RET: variants seen among roughly 807,000 people sequenced by gnomAD.
RET encodes the protein ret proto-oncogene.
RET carries 19 observed loss-of-function variants against 118.3 expected under a neutral mutation model. The ratio of observed to expected loss-of-function variants is 0.16; its 90% CI spans 0.11 to 0.24. RET has a LOEUF of 0.24. Among genes scored for constraint, RET ranks in the 10% least tolerant of loss-of-function variants. The probability of loss-of-function intolerance (pLI) is 1.00; values close to 1 mark genes in which losing one functional copy is unlikely to be tolerated. For synonymous variants in RET, 597 were observed against 644.1 expected, an observed-to-expected ratio of 0.93 and a Z score of 1.11; for missense variants, 1,219 against 1,502.1, an observed-to-expected ratio of 0.81 and a Z score of 3.12.
Position 43,100,565 on chromosome 10 carries a change from T to C in RET, c.180T>C (p.Pro60=). 6.2e-7 allele frequency: 1 copy of C among 1,613,870 alleles called. No individual in the cohort carries two copies. The highest frequency in any genetic ancestry group is 8.5e-7 in the Non-Finnish European group (1 of 1,180,012). ...LLYVHALRDA[P]EEVPSFRLGQ... ...ACGTCCATGCCCTGCGGGACGCCCC[T>C]GAGGAGGTGCCCAGCTTCCGCCTGG... The change falls in exon 2 of 20, where the codon CCT becomes CCC. Residue 60 remains proline (P), a synonymous_variant. Transcript: ENST00000355710.
intron 15 of RET, among the ~76,000 whole-genome samples, chr10:43,120,940 GAA>G (rs1838202666): frequency 6.7e-6 from 1 of 149,436 alleles, no homozygotes; most frequent in Admixed American, 6.7e-5. Context: ...AAAAGAAGAA[GAA>G]GAAAAAAAAA....
At position 43,129,225 on chromosome 10, in the gene RET, G is replaced by T. The variant is rs1403814591; in HGVS notation, c.*956G>T. 1 of 233,440 alleles carries T rather than the reference G, an allele frequency of 4.3e-6. No homozygotes were observed. Among genetic ancestry groups the T allele is most frequent in the African/African-American group, 2.2e-5 (1 of 45,324 alleles). The allele number at this position is 233,440 out of a possible 1,614,324, so 14.5% of individuals were successfully genotyped here. A position where few individuals can be genotyped will look rare whatever the true frequency, so the allele number is the denominator to read the frequency against. On this transcript the variant is annotated 3_prime_UTR_variant, in exon 20 of 20. Coordinates refer to ENST00000355710, the MANE Select transcript of RET (RefSeq NM_020975.6). The stretch of plus-strand genomic sequence containing the variant: ...GGCTCATCCTACCTGTTAGGAGCAG[G>T]TAGGGCTTGTACTCACTTTAATTTG...
rs938847898 is a variant in RET at position 43,091,323 on chromosome 10, C to A, written c.74-9136C>A. On this transcript the variant is annotated intron_variant, in intron 1 of 19. Transcript: ENST00000355710. ...ACACTCAACAACAGCAACAAAAAAA[C>A]CTGATTCCAAAATGAGCACAGGGGG... Among the ~76,000 whole-genome samples, 16 of 152,106 alleles carry A rather than the reference C, an allele frequency of 1.1e-4. 1 individual carries two copies. The highest frequency in any genetic ancestry group is 7.9e-4 in the Admixed American group (12 of 15,272).
intron 1 of RET, among the ~76,000 whole-genome samples, chr10:43,089,052 G>A (rs543285246): frequency 6.6e-6 from 1 of 152,316 alleles, no homozygotes; most frequent in African/African-American, 2.4e-5. Flanking sequence ...CTGTCTCTTG[G>A]TCAGGCATTT....
chr10:43,117,537 C>T (rs1031224565), intron 12 of RET, among the ~76,000 whole-genome samples: 1 of 152,218 alleles, frequency 6.6e-6, no homozygotes, highest in Non-Finnish European at 1.5e-5. Context: ...GGAGGTGGCA[C>T]GGCACAGCTG....
chr10:43,129,378 T>C lies in RET; in HGVS notation c.*1109T>C, dbSNP rs886047006. On this transcript the variant is annotated 3_prime_UTR_variant, in exon 20 of 20. Transcript: ENST00000355710. Reference sequence around the variant, plus strand: ...TGAAAAAGATGGTGTTTGGCTCTTATAGAGCCTGTGTGAAAGGCCCATGGA... The same window carrying C: ...TGAAAAAGATGGTGTTTGGCTCTTACAGAGCCTGTGTGAAAGGCCCATGGA... The C allele has an allele frequency of 5.1e-5, 12 of 233,672 alleles. No individual in the cohort carries two copies. The highest frequency in any genetic ancestry group is 9.3e-5 in the Non-Finnish European group (11 of 118,074). 14.5% of individuals were successfully genotyped at this position (233,672 alleles called of 1,614,324 possible).
intron 3 of RET, among the ~76,000 whole-genome samples, chr10:43,104,253 C>G (rs1837706703): frequency 6.6e-6 from 1 of 151,180 alleles, no homozygotes; most frequent in Admixed American, 6.6e-5. Context: ...CTCACGTTCT[C>G]TAAAATGAAC....
rs923938527 is a variant in RET at position 43,129,270 on chromosome 10, T to G, written c.*1001T>G. On this transcript the variant is annotated 3_prime_UTR_variant, in exon 20 of 20. Transcript: ENST00000355710. ...AATTTGAATCTTATCAACTTACTCA[T>G]AAAGGGACAGGCTAGCTAGCTGTGT... 6.0e-5 allele frequency: 14 copies of G among 233,314 alleles called. No homozygotes were observed. The highest frequency in any genetic ancestry group is 2.7e-4 in the African/African-American group (12 of 45,264). The allele number at this position is 233,314 out of a possible 1,614,324, so 14.5% of individuals were successfully genotyped here. A position where few individuals can be genotyped will look rare whatever the true frequency, so the allele number is the denominator to read the frequency against.
chr10:43,110,365 T>C (rs1281476275), intron 6 of RET, among the ~76,000 whole-genome samples: 1 of 152,158 alleles, frequency 6.6e-6, no homozygotes, highest in Non-Finnish European at 1.5e-5. Flanking sequence ...GTGGGCTTTG[T>C]AGGGGAAAGT....
chr10:43,079,303 G>A (rs1837125966), intron 1 of RET, among the ~76,000 whole-genome samples: 1 of 152,122 alleles, frequency 6.6e-6, no homozygotes, highest in African/African-American at 2.4e-5. Flanking sequence ...CGTCCACACA[G>A]GGACCCCAGC....
At chr10:43,083,910 G>A (rs1034046708) in intron 1 of RET, among the ~76,000 whole-genome samples, 4 of 152,222 alleles carry the variant, frequency 2.6e-5, no homozygotes, top group Non-Finnish European at 4.4e-5. Flanking sequence ...CACCCCAAAA[G>A]GAAACCCCAT....
In RET at chr10:43,113,086, G is replaced by A. The variant is rs1564495391; in HGVS notation, c.1759+123G>A. On this transcript the variant is annotated intron_variant, in intron 9 of 19. Coordinates refer to ENST00000355710, the MANE Select transcript of RET (RefSeq NM_020975.6). Reference sequence around the variant, plus strand: ...TTCTATGCATCAAGCTGAGCCTCCTGTGCATTTCAGCATCACCCTAGCCAT... The same window carrying A: ...TTCTATGCATCAAGCTGAGCCTCCTATGCATTTCAGCATCACCCTAGCCAT... The A allele has an allele frequency of 5.0e-6, 4 of 803,560 alleles. No individual in the cohort carries two copies. In the Admixed American group the frequency reaches 5.9e-5, roughly 12 times the overall value. The allele number at this position is 803,560 out of a possible 1,614,324, so 49.8% of individuals were successfully genotyped here.
chr10:43,100,930 G>A (rs1193187950), intron 2 of RET, among the ~76,000 whole-genome samples: 1 of 152,236 alleles, frequency 6.6e-6, no homozygotes, highest in African/African-American at 2.4e-5. Context: ...GAGGCTGTAG[G>A]AGTTTGGAGA....
intron 6 of RET, among the ~76,000 whole-genome samples, chr10:43,109,783 G>A (rs1345984280): frequency 7.1e-6 from 1 of 140,818 alleles, no homozygotes; most frequent in Non-Finnish European, 1.6e-5. Context: ...AGGCATAAAA[G>A]TAATAAATAT....
At chr10:43,105,305 G>C in intron 4 of RET, 112 bp downstream of exon 4, 3 of 1,503,710 alleles carry the variant, frequency 2.0e-6, no homozygotes, top group Non-Finnish European at 2.7e-6. Context: ...GACCATTCGC[G>C]CTTTCATTTG....
chr10:43,091,032 G>A (rs1837399798), intron 1 of RET, among the ~76,000 whole-genome samples: 1 of 151,694 alleles, frequency 6.6e-6, no homozygotes, highest in African/African-American at 2.4e-5. Context: ...TGCCAGATGG[G>A]GCCAAAAATT....
chr10:43,122,035 C>T lies in RET; in HGVS notation c.2801+19C>T, dbSNP rs1838229841. ...GTGATGTGTAAGTGTGGGTGTTGCT[C>T]TCTTGGGGTGGAGGTTACAGAAACA... is the stretch of plus-strand genomic sequence containing the variant. On this transcript the variant is annotated intron_variant, in intron 16 of 19. Coordinates refer to ENST00000355710, the MANE Select transcript of RET (RefSeq NM_020975.6). The T allele has an allele frequency of 6.2e-7, 1 of 1,602,588 alleles. No individual in the cohort carries two copies. Among genetic ancestry groups the T allele is most frequent in the African/African-American group, 1.3e-5 (1 of 74,628 alleles).
At chr10:43,092,266 C>T (rs12357104) in intron 1 of RET, among the ~76,000 whole-genome samples, 1,685 of 152,242 alleles carry the variant, frequency 0.011, 11 homozygotes, top group Non-Finnish European at 0.014. Context: ...TCCCTGCAGT[C>T]GTCAAATTCG....
chr10:43,089,230 C>A (rs1034103639), intron 1 of RET, among the ~76,000 whole-genome samples: 6 of 152,228 alleles, frequency 3.9e-5, no homozygotes, highest in African/African-American at 1.4e-4. Flanking sequence ...ACATGGGTGC[C>A]CCCAGTCAGC....
Sources: allele counts gnomAD v4.1 joint callset (sites outside exome capture counted in the v4.1 genomes callset), GRCh38; gene constraint gnomAD v4.1.1; transcripts MANE v1.5; gene names NCBI Gene and HGNC (gene_info 2026-07-23, HGNC 2026-07-21).